Variants in ABCA8 observed in about 807,000 individuals in gnomAD.
The protein encoded by ABCA8 is ABC-type organic anion transporter ABCA8.
ABCA8 carries 177 observed loss-of-function variants against 192.3 expected under a neutral mutation model. The observed-to-expected ratio is 0.92, with a 90% CI of 0.81 to 1.04. The LOEUF (loss-of-function observed/expected upper bound fraction) is 1.04, where lower values mean the gene tolerates loss of function less well. Ranked by LOEUF, ABCA8 falls within the 50% of genes least tolerant of loss-of-function variation. The probability of loss-of-function intolerance (pLI) is 0.00; values close to 1 mark genes in which losing one functional copy is unlikely to be tolerated. For synonymous variants in ABCA8, 642 were observed against 690.2 expected (o/e 0.93, Z 1.09); for missense variants, 1,915 against 1,904.8 (o/e 1.01, Z -0.10).
intron 24 of ABCA8, among the ~76,000 whole-genome samples, chr17:68,887,881 C>CATATATATATATATATATATATAT (rs1202636158): frequency 3.4e-4 from 23 of 68,228 alleles, no homozygotes; most frequent in African/African-American, 1.3e-3. Context: ...TTCTCTCCTC[C>CATATATATATATATATATATATAT]ATATATATAT....
At chr17:68,928,085 A>T (rs778320097) in intron 9 of ABCA8, 22 bp from the exon 10 acceptor site, 2 of 1,538,178 alleles carry the variant, frequency 1.3e-6, no homozygotes, top group Non-Finnish European at 1.8e-6. Flanking sequence ...AAAGTAATTA[A>T]TTAAGGGAAA....
intron 1 of ABCA8, among the ~76,000 whole-genome samples, chr17:68,954,117 C>T (rs1014985446): frequency 1.3e-5 from 2 of 151,250 alleles, no homozygotes; most frequent in Non-Finnish European, 2.9e-5. Context: ...ACATGTGCCA[C>T]GCTGGTGCGC....
At chr17:68,902,600 T>A (rs12945133) in intron 21 of ABCA8, 113 bp downstream of exon 21, 1 of 877,344 alleles carries the variant, frequency 1.1e-6, no homozygotes, top group Non-Finnish European at 1.6e-6. Flanking sequence ...TCATAAATTG[T>A]TTTTTAACAC....
At chr17:68,942,203 C>T (rs569052003) in intron 2 of ABCA8, among the ~76,000 whole-genome samples, 164 bp from the exon 3 acceptor site, 1 of 152,274 alleles carries the variant, frequency 6.6e-6, no homozygotes, top group Non-Finnish European at 1.5e-5. Context: ...CCATGCTCTC[C>T]TTCCGTCCCC....
intron 38 of ABCA8, 50 bp downstream of exon 38, chr17:68,869,650 T>C: frequency 1.6e-6 from 2 of 1,236,490 alleles, no homozygotes; most frequent in Non-Finnish European, 2.4e-6. Context: ...TATTTTATGA[T>C]TTGAAATTAT....
At position 68,876,310 on chromosome 17, in the gene ABCA8, T is replaced by A. The variant is rs1000524014; in HGVS notation, c.4370+150A>T. ...AATATCATCAGGGAAAGATCTTTTT[T>A]TTTTGCAAAGTATTGGTTTTACAAG... On this transcript the variant is annotated intron_variant, in intron 35 of 39. Transcript: ENST00000586539. The A allele has an allele frequency of 1.9e-5, 16 of 837,564 alleles. No individual in the cohort carries two copies. The Admixed American group carries it at 2.0e-4, about 11-fold the overall frequency. The allele number at this position is 837,564 out of a possible 1,614,324, so 51.9% of individuals were successfully genotyped here.
chr17:68,910,194 G>T (rs1340667054), intron 17 of ABCA8, among the ~76,000 whole-genome samples: 2 of 152,158 alleles, frequency 1.3e-5, no homozygotes, highest in African/African-American at 4.8e-5. Context: ...AATGATAGTG[G>T]TTTTAACATC....
At chr17:68,947,003 G>A (rs2143802875) in intron 2 of ABCA8, among the ~76,000 whole-genome samples, 1 of 152,154 alleles carries the variant, frequency 6.6e-6, no homozygotes, top group Middle Eastern at 3.4e-3. Context: ...AAATTGTATT[G>A]TAGTTGAGCC....
intron 37 of ABCA8, among the ~76,000 whole-genome samples, chr17:68,870,039 A>G (rs1053646555): frequency 1.3e-5 from 2 of 152,180 alleles, no homozygotes; most frequent in East Asian, 3.9e-4. Flanking sequence ...CATCTGGCCA[A>G]CAGAAGGTCT....
chr17:68,947,580 G>A (rs4147952), intron 2 of ABCA8, among the ~76,000 whole-genome samples: 9,429 of 152,126 alleles, frequency 0.062, 421 homozygotes, highest in East Asian at 0.24. Context: ...TGTTGTTTCT[G>A]GGATAAGGAT....
chr17:68,869,887 A>C, intron 37 of ABCA8, 108 bp from the exon 38 acceptor site: 1 of 741,514 alleles, frequency 1.3e-6, no homozygotes, highest in East Asian at 2.7e-5. Context: ...GGTGTTAGGA[A>C]CATTTAACAT....
chr17:68,868,133 ATCC>A lies in ABCA8; in HGVS notation c.4815_4817del (p.Glu1605del), dbSNP rs2065960260. ...GCTTCCACTTCACTGAGGGATCAAA[ATCC>A]TCCTCAAAATCACCCAGCTCCTGCT... On this transcript the variant is annotated inframe_deletion, in exon 40 of 40. Coordinates refer to ENST00000586539, the MANE Select transcript of ABCA8 (RefSeq NM_001288985.2). The A allele has an allele frequency of 6.2e-7, 1 of 1,613,140 alleles. No homozygotes were observed. Among genetic ancestry groups the A allele is most frequent in the Admixed American group, 1.7e-5 (1 of 59,830 alleles).
chr17:68,944,359 T>TATATATATATATATACACAC (rs765731645), intron 2 of ABCA8, among the ~76,000 whole-genome samples: 2 of 69,464 alleles, frequency 2.9e-5, no homozygotes, highest in Non-Finnish European at 5.8e-5. Flanking sequence ...TATATATATA[T>TATATATATATATATACACAC]ACACATATAC....
At position 68,875,253 on chromosome 17, in the gene ABCA8, T is replaced by C. The variant is rs753025569; in HGVS notation, c.4631+7A>G. 1.2e-5 allele frequency: 19 copies of C among 1,613,244 alleles called. No homozygotes were observed. The South Asian group carries it at 2.0e-4, about 17-fold the overall frequency. ...GGTACCATTTCCAAAACAGCAACCA[T>C]GTTTACCTTTCCTGCCGAGCAGCCT... is the stretch of plus-strand genomic sequence containing the variant. On this transcript the variant is annotated splice_region_variant and intron_variant, in intron 37 of 39. Coordinates refer to ENST00000586539, the MANE Select transcript of ABCA8 (RefSeq NM_001288985.2).
chr17:68,939,715 T>C (rs2068172478), intron 4 of ABCA8, among the ~76,000 whole-genome samples: 1 of 152,170 alleles, frequency 6.6e-6, no homozygotes, highest in Non-Finnish European at 1.5e-5. Context: ...GCATTAATAC[T>C]CTGCTCTTTT....
chr17:68,891,562 T>C lies in ABCA8; in HGVS notation c.3071A>G (p.Tyr1024Cys). The C allele has an allele frequency of 6.2e-7, 1 of 1,613,114 alleles. No homozygotes were observed. Among genetic ancestry groups the C allele is most frequent in the Non-Finnish European group, 8.5e-7 (1 of 1,179,734 alleles). The change falls in exon 24 of 40, where the codon TAT (tyrosine) becomes TGT (cysteine). Residue 1024 changes from tyrosine (Y) to cysteine (C), a missense_variant. Transcript: ENST00000586539. ...TGTTAAAACCAGCCAGAACATGATATATGCCAGGAATCCGATTGGATTGTC... is the reference window on the plus strand; with the variant it reads ...TGTTAAAACCAGCCAGAACATGATACATGCCAGGAATCCGATTGGATTGTC... ...GQDNPIGFLA[Y>C]IMFWLVLTSS...
At chr17:68,887,906 A>ATATATATATATATATG (rs370830810) in intron 24 of ABCA8, among the ~76,000 whole-genome samples, 4 of 60,884 alleles carry the variant, frequency 6.6e-5, no homozygotes, top group African/African-American at 3.8e-4. Context: ...ATATATATAT[A>ATATATATATATATATG]TCCATATATA....
chr17:68,936,819 T>C (rs1225551212), intron 5 of ABCA8, 132 bp downstream of exon 5: 2 of 705,586 alleles, frequency 2.8e-6, no homozygotes, highest in Non-Finnish European at 4.2e-6. Context: ...TTTTTTTAAA[T>C]GTTGAGGGAC....
chr17:68,946,627 A>T (rs1377579997), intron 2 of ABCA8, among the ~76,000 whole-genome samples: 1 of 152,176 alleles, frequency 6.6e-6, no homozygotes, highest in African/African-American at 2.4e-5. Context: ...CTGATATATT[A>T]GTTTAATGAG....
Sources: gnomAD v4.1 joint callset for allele counts (sites outside exome capture counted in the v4.1 genomes callset) on GRCh38, gnomAD v4.1.1 for gene constraint, MANE v1.5 for transcripts, NCBI Gene and HGNC (gene_info 2026-07-23, HGNC 2026-07-21) for gene names.